Variants in DYNC1H1 observed in about 807,000 individuals in gnomAD.
The protein encoded by DYNC1H1 is dynein cytoplasmic 1 heavy chain 1.
Under a neutral mutation model 527.1 loss-of-function variants are expected in DYNC1H1, and 51 were observed. That is an observed-to-expected ratio of 0.10 (90% confidence interval 0.08 to 0.12). The LOEUF (loss-of-function observed/expected upper bound fraction) is 0.12, where lower values mean the gene tolerates loss of function less well. Ranked by LOEUF, DYNC1H1 falls within the 10% of genes least tolerant of loss-of-function variation. The pLI is 1.00. For synonymous variants in DYNC1H1, 2,189 were observed against 2,278.8 expected (o/e 0.96, Z 1.12); for missense variants, 2,771 against 5,971.8 (o/e 0.46, Z 17.66).
intron 18 of DYNC1H1, 191 bp from the exon 19 acceptor site, chr14:102,000,763 A>G (rs1354148748): frequency 7.0e-6 from 4 of 574,818 alleles, no homozygotes; most frequent in Non-Finnish European, 1.3e-5. Context: ...TAGTAGAGAC[A>G]GGGTTTCTCC....
intron 72 of DYNC1H1, 96 bp from the exon 73 acceptor site, chr14:102,047,721 C>A: frequency 6.7e-7 from 1 of 1,496,862 alleles, no homozygotes; most frequent in Non-Finnish European, 9.1e-7. Flanking sequence ...TGGACTCACT[C>A]ACCATGTGGC....
At position 102,028,222 on chromosome 14, in the gene DYNC1H1, G is replaced by A. The variant is rs2048471998; in HGVS notation, c.9468+81G>A. The A allele has an allele frequency of 3.9e-6, 6 of 1,528,494 alleles. No individual in the cohort carries two copies. In the African/African-American group the frequency reaches 8.2e-5, roughly 21 times the overall value. The allele number at this position is 1,528,494 out of a possible 1,614,324, so 94.7% of individuals were successfully genotyped here. Reference sequence around the variant, plus strand: ...ATAAAACTAAATTGCTATAAAAATAGACCTTAAGGCCAGGTGCAGTGACTC... The same window carrying A: ...ATAAAACTAAATTGCTATAAAAATAAACCTTAAGGCCAGGTGCAGTGACTC... On this transcript the variant is annotated intron_variant, in intron 48 of 77. Coordinates refer to ENST00000360184, the MANE Select transcript of DYNC1H1 (RefSeq NM_001376.5).
rs11381677 is a variant in DYNC1H1 at position 102,000,573 on chromosome 14, C to CT, written c.4074+192dup. On this transcript the variant is annotated intron_variant, in intron 18 of 77. Transcript: ENST00000360184. ...AATACTGTAAAACTTATTTTGAAAC[C>CT]TTTTTTTTTTTTTTTTTTGAGACGG... 85,118 of 409,968 alleles carry CT rather than the reference C, an allele frequency of 0.21. 8,507 individuals are homozygous for CT. The highest frequency in any genetic ancestry group is 0.59 in the African/African-American group (22,490 of 38,234). 25.4% of individuals were successfully genotyped at this position (409,968 alleles called of 1,614,324 possible).
At position 101,984,802 on chromosome 14, in the gene DYNC1H1, A is replaced by C. The variant is rs576826796; in HGVS notation, c.1462-885A>C. 3.3e-3 allele frequency among the ~76,000 whole-genome samples: 505 copies of C among 151,096 alleles called. 2 individuals are homozygous for C. Among genetic ancestry groups the C allele is most frequent in the African/African-American group, 0.012 (479 of 41,246 alleles). ...AAAAAAATTAGCTGGGCGTGGTGGC[A>C]GGTGCCTGTAGTCCCAGCTACTCGG... On this transcript the variant is annotated intron_variant, in intron 7 of 77. Coordinates refer to ENST00000360184, the MANE Select transcript of DYNC1H1 (RefSeq NM_001376.5).
chr14:102,050,641 C>A lies in DYNC1H1; in HGVS notation c.*78C>A. The A allele has an allele frequency of 6.2e-7, 1 of 1,608,982 alleles. No individual in the cohort carries two copies. Among genetic ancestry groups the A allele is most frequent in the South Asian group, 1.1e-5 (1 of 90,568 alleles). On this transcript the variant is annotated 3_prime_UTR_variant, in exon 78 of 78. Transcript: ENST00000360184. ...TTCATTTTTAAAATATTTGGAAGGT[C>A]TGAGCTTGTGAAAAGAAAGTGGTTG...
rs2048546542 is a variant in DYNC1H1 at position 102,034,391 on chromosome 14, A to G, written c.10693A>G (p.Ser3565Gly). Residue 3565 changes from serine to glycine, a missense_variant, in exon 56 of 78, where the codon AGC becomes GGC. Physicochemically the swap from Ser to Gly is moderately conservative, Grantham distance 56. Around this residue, in one of 32 missense-constraint regions of DYNC1H1, gnomAD observed 283 missense variants for 737.6 expected, o/e 0.38. Transcript: ENST00000360184. ...TGATGAGCGTCTTCGCTGGCAGGCC[A>G]GCTCCTTGCCTGCTGATGACCTTTG... ...NADERLRWQA[S>G]SLPADDLCTE... 6.2e-7 allele frequency: 1 copy of G among 1,614,016 alleles called. No individual in the cohort carries two copies. The highest frequency in any genetic ancestry group is 8.5e-7 in the Non-Finnish European group (1 of 1,180,052).
At position 101,986,306 on chromosome 14, in the gene DYNC1H1, A is replaced by G. The variant is rs1595601037; in HGVS notation, c.2081A>G (p.Asn694Ser). 1.9e-6 allele frequency: 3 copies of G among 1,613,918 alleles called. No individual in the cohort carries two copies. Among genetic ancestry groups the G allele is most frequent in the African/African-American group, 2.7e-5 (2 of 74,896 alleles). The part of the protein sequence containing the change: ...QDGDSFRMKL[N>S]TQEIFDDWAR... ...GGAGACAGCTTCCGCATGAAGCTCAACACGCAGGAGATCTTTGATGACTGG... is the reference window on the plus strand; with the variant it reads ...GGAGACAGCTTCCGCATGAAGCTCAGCACGCAGGAGATCTTTGATGACTGG... Residue 694 changes from asparagine to serine, a missense_variant, in exon 8 of 78, where the codon AAC becomes AGC. This residue lies in a region of DYNC1H1 where 264 missense variants were observed against 619.4 expected (regional missense o/e 0.43). Transcript: ENST00000360184. The surrounding 1 kb of genome is among the most constrained non-coding windows in gnomAD (Gnocchi z 8.7).
At chr14:102,000,652 G>A (rs1172152707) in intron 18 of DYNC1H1, 1 of 495,298 alleles carries the variant, frequency 2.0e-6, no homozygotes, top group South Asian at 2.0e-5. Context: ...TCGGCTCACT[G>A]CAACCTCCGC....
intron 8 of DYNC1H1, 57 bp from the exon 9 acceptor site, chr14:101,987,396 G>C (rs570060178): frequency 6.5e-7 from 1 of 1,529,890 alleles, no homozygotes; most frequent in Non-Finnish European, 9.0e-7. Context: ...TGTTATGTGA[G>C]AATAAAGGAA....
chr14:102,046,615 G>A (rs2152599185), intron 72 of DYNC1H1, among the ~76,000 whole-genome samples: 1 of 150,540 alleles, frequency 6.6e-6, no homozygotes, highest in South Asian at 2.2e-4. Flanking sequence ...AAGGGACACT[G>A]TGGTGACCAG....
chr14:101,973,171 G>T (rs919455515), intron 1 of DYNC1H1, among the ~76,000 whole-genome samples: 1 of 151,146 alleles, frequency 6.6e-6, no homozygotes, highest in Non-Finnish European at 1.5e-5. Flanking sequence ...TAATTTGGAA[G>T]AATTATTGTC....
In DYNC1H1 at chr14:102,001,744, C is replaced by CT; in HGVS notation, c.4542+67dup. 3.1e-6 allele frequency: 5 copies of CT among 1,604,654 alleles called. No individual in the cohort carries two copies. Among genetic ancestry groups the CT allele is most frequent in the Non-Finnish European group, 4.3e-6 (5 of 1,173,280 alleles). On this transcript the variant is annotated intron_variant, in intron 21 of 77. Coordinates refer to ENST00000360184, the MANE Select transcript of DYNC1H1 (RefSeq NM_001376.5). This position sits in a 1 kb window ranked among gnomAD's most constrained non-coding sequence, Gnocchi z 5.0. Reference sequence around the variant, plus strand: ...GTCTCCCACGCTTTCACTGTAATGCCTTTTCACTGACAGTTACTAGGTACC... The same window carrying CT: ...GTCTCCCACGCTTTCACTGTAATGCCTTTTTCACTGACAGTTACTAGGTACC...
intron 11 of DYNC1H1, among the ~76,000 whole-genome samples, chr14:101,991,987 A>G (rs979497050): frequency 2.7e-5 from 4 of 146,582 alleles, no homozygotes; most frequent in African/African-American, 1.0e-4. Context: ...CATACACAAA[A>G]GTTGAGGGAA....
At chr14:101,989,080 C>G (rs1008331527) in intron 10 of DYNC1H1, among the ~76,000 whole-genome samples, 3 of 152,182 alleles carry the variant, frequency 2.0e-5, no homozygotes, top group South Asian at 2.1e-4. Flanking sequence ...AAATCCCTCA[C>G]TCTCATGTGA....
intron 34 of DYNC1H1, among the ~76,000 whole-genome samples, chr14:102,013,197 C>T (rs576955616): frequency 2.4e-4 from 32 of 135,010 alleles, no homozygotes; most frequent in Admixed American, 7.9e-4. Context: ...TGCAGTGAGC[C>T]GAGATCGCGC....
At position 102,053,849 on chromosome 14, in the gene DYNC1H1, T is replaced by C. The variant is rs61992471; in HGVS notation, c.*3286T>C. On this transcript the variant is annotated 3_prime_UTR_variant, in exon 78 of 78. Coordinates refer to ENST00000360184, the MANE Select transcript of DYNC1H1 (RefSeq NM_001376.5). Reference sequence around the variant, plus strand: ...GCAGCCTAGACCTCCTGGGCTTAAGTGATCCTCCCACCTCAGCCTCCCCAG... The same window carrying C: ...GCAGCCTAGACCTCCTGGGCTTAAGCGATCCTCCCACCTCAGCCTCCCCAG... 0.088 allele frequency: 13,274 copies of C among 150,462 alleles called. 816 individuals carry two copies. The highest frequency in any genetic ancestry group is 0.14 in the Middle Eastern group (40 of 278). The allele number at this position is 150,462 out of a possible 1,614,324, so 9.3% of individuals were successfully genotyped here.
At chr14:101,966,700 TA>T (rs760952128) in intron 1 of DYNC1H1, among the ~76,000 whole-genome samples, 19 of 152,320 alleles carry the variant, frequency 1.2e-4, no homozygotes, top group Non-Finnish European at 2.5e-4. Context: ...TCAGTGATTT[TA>T]TTTTTTTTAC....
At chr14:101,968,676 C>CTCAG (rs980730301) in intron 1 of DYNC1H1, among the ~76,000 whole-genome samples, 2 of 152,076 alleles carry the variant, frequency 1.3e-5, no homozygotes, top group Middle Eastern at 3.2e-3. Flanking sequence ...ATCCACCCAT[C>CTCAG]TCAGCCTCCT....
rs948619100 is a variant in DYNC1H1, at chr14:102,000,215, C to T, written c.3960+71C>T. On this transcript the variant is annotated intron_variant, in intron 17 of 77. Transcript: ENST00000360184. ...GACTCTGCCATTGACTTTGTTCATC[C>T]TCAGGGCCCTGCCAGATTCTGGGGT... 4 of 1,613,990 alleles carry T rather than the reference C, an allele frequency of 2.5e-6. No homozygotes were observed. The African/African-American group carries it at 4.0e-5, about 16-fold the overall frequency.
Sources: allele counts gnomAD v4.1 joint callset (sites outside exome capture counted in the v4.1 genomes callset), GRCh38; gene constraint gnomAD v4.1.1; regional missense constraint gnomAD v4.1.1; non-coding constraint Gnocchi (gnomAD v3.1); transcripts MANE v1.5; gene names NCBI Gene and HGNC (gene_info 2026-07-23, HGNC 2026-07-21).